The following IQCH variants were observed in gnomAD, a reference collection of about 807,000 sequenced individuals.
IQCH encodes IQ motif containing H.
In IQCH, 98 loss-of-function variants were observed where a neutral mutation model predicts 117.0. The ratio of observed to expected loss-of-function variants is 0.84; its 90% CI spans 0.71 to 0.99. The LOEUF (loss-of-function observed/expected upper bound fraction) is 0.99. Ranked by LOEUF, IQCH falls within the 50% of genes least tolerant of loss-of-function variation. The pLI is 0.00. For missense variants in IQCH, 1,102 were observed against 1,243.8 expected (o/e 0.89, Z 1.72); for synonymous variants, 412 against 448.2 (o/e 0.92, Z 1.02).
intron 4 of IQCH, among the ~76,000 whole-genome samples, chr15:67,332,678 A>T: frequency 6.6e-6 from 1 of 152,216 alleles, no homozygotes; most frequent in East Asian, 1.9e-4. Flanking sequence ...AAATTAAGAT[A>T]CAATCAAGAT....
rs1971766440 is a variant in IQCH, at chr15:67,403,751, C to T, written c.2097+3446C>T. Reference sequence around the variant, plus strand: ...GACAGTTTAGGGAGACCCAGGCAGACATTTACTGTGGTACCAGTCCTTGTG... The same window carrying T: ...GACAGTTTAGGGAGACCCAGGCAGATATTTACTGTGGTACCAGTCCTTGTG... On this transcript the variant is annotated intron_variant, in intron 14 of 20. Coordinates refer to ENST00000335894, the MANE Select transcript of IQCH (RefSeq NM_001031715.3). The surrounding 1 kb of genome is among the most constrained non-coding windows in gnomAD (Gnocchi z 4.8). 3 of 152,230 alleles carry T rather than the reference C, an allele frequency of 2.0e-5. No homozygotes were observed. Among genetic ancestry groups the T allele is most frequent in the African/African-American group, 7.2e-5 (3 of 41,462 alleles). The allele number at this position is 152,230 out of a possible 1,614,324, so 9.4% of individuals were successfully genotyped here.
intron 12 of IQCH, among the ~76,000 whole-genome samples, chr15:67,389,219 T>C (rs1034099195): frequency 1.3e-5 from 2 of 152,224 alleles, no homozygotes; most frequent in African/African-American, 4.8e-5. Context: ...TTCTCTGTAG[T>C]TGTAGCCTAA....
chr15:67,487,058 C>T, intron 18 of IQCH, among the ~76,000 whole-genome samples: 1 of 152,188 alleles, frequency 6.6e-6, no homozygotes, highest in Non-Finnish European at 1.5e-5. Flanking sequence ...GATGGCCAGG[C>T]ACAGTGGCTC....
In IQCH at chr15:67,431,530, T is replaced by C. The variant is rs947106581; in HGVS notation, c.2505+9953T>C. 6.6e-6 allele frequency among the ~76,000 whole-genome samples: 1 copy of C among 152,080 alleles called. No homozygotes were observed. The highest frequency in any genetic ancestry group is 6.5e-5 in the Admixed American group (1 of 15,270). The stretch of plus-strand genomic sequence containing the variant: ...GGAGAGAATCAGGAAAAATAACTCC[T>C]GGGTACTAGGCTTAATACCTGGGTG... On this transcript the variant is annotated intron_variant, in intron 16 of 20. Coordinates refer to ENST00000335894, the MANE Select transcript of IQCH (RefSeq NM_001031715.3). The surrounding 1 kb of genome is among the most constrained non-coding windows in gnomAD (Gnocchi z 4.8).
At chr15:67,299,268 TG>T (rs1966904454) in intron 4 of IQCH, among the ~76,000 whole-genome samples, 1 of 151,444 alleles carries the variant, frequency 6.6e-6, no homozygotes, top group Non-Finnish European at 1.5e-5. Flanking sequence ...TACCAGAGGC[TG>T]GGAAGGGTAG....
Position 67,403,619 on chromosome 15 carries a change from C to T in IQCH, c.2097+3314C>T, listed in dbSNP as rs941369818. 1 of 152,174 alleles carries T rather than the reference C, an allele frequency of 6.6e-6. No homozygotes were observed. The highest frequency in any genetic ancestry group is 2.4e-5 in the African/African-American group (1 of 41,428). 9.4% of individuals were successfully genotyped at this position (152,174 alleles called of 1,614,324 possible). A position where few individuals can be genotyped will look rare whatever the true frequency, so the allele number is the denominator to read the frequency against. ...CACACTCTTGCACACACTCCAAACT[C>T]CACGTTCCCCAGTCGGGGGTATTTA... On this transcript the variant is annotated intron_variant, in intron 14 of 20. Transcript: ENST00000335894. The surrounding 1 kb of genome is among the most constrained non-coding windows in gnomAD (Gnocchi z 4.8).
At chr15:67,307,251 G>A (rs1329283764) in intron 4 of IQCH, 1 of 703,224 alleles carries the variant, frequency 1.4e-6, no homozygotes, top group African/African-American at 1.9e-5. Context: ...TATTCATGAG[G>A]TTGAATTTAA....
At chr15:67,396,217 T>C (rs1391058554) in intron 13 of IQCH, among the ~76,000 whole-genome samples, 4 of 152,132 alleles carry the variant, frequency 2.6e-5, no homozygotes. Context: ...AGCAGTGGGT[T>C]TGGAAAACTC....
intron 4 of IQCH, among the ~76,000 whole-genome samples, chr15:67,297,366 AC>A (rs1356534041): frequency 6.6e-6 from 1 of 152,170 alleles, no homozygotes; most frequent in Admixed American, 6.6e-5. Context: ...TATTCCCTCT[AC>A]TATTTTTGGC....
chr15:67,351,275 G>A (rs1020524374), intron 6 of IQCH, among the ~76,000 whole-genome samples: 1 of 150,860 alleles, frequency 6.6e-6, no homozygotes, highest in Non-Finnish European at 1.5e-5. Flanking sequence ...GGTGTGTAAT[G>A]TTCCCCTCCC....
chr15:67,399,100 TCTCC>T (rs906632725), intron 13 of IQCH, among the ~76,000 whole-genome samples: 1 of 152,124 alleles, frequency 6.6e-6, no homozygotes, highest in Non-Finnish European at 1.5e-5. Flanking sequence ...ACTTCACCCT[TCTCC>T]ACCTCTCTGT....
chr15:67,409,338 C>T (rs1301192474), intron 14 of IQCH, among the ~76,000 whole-genome samples: 3 of 152,076 alleles, frequency 2.0e-5, no homozygotes, highest in African/African-American at 7.2e-5. Flanking sequence ...CAGGGTGAGC[C>T]TAGAAAGAAA....
At chr15:67,291,781 G>T (rs899904451) in intron 4 of IQCH, among the ~76,000 whole-genome samples, 1 of 152,200 alleles carries the variant, frequency 6.6e-6, no homozygotes, top group Non-Finnish European at 1.5e-5. Flanking sequence ...TTGGAGAGAA[G>T]AGAATGCCTA....
intron 14 of IQCH, among the ~76,000 whole-genome samples, chr15:67,412,669 G>A (rs1359994901): frequency 6.6e-6 from 1 of 152,140 alleles, no homozygotes; most frequent in African/African-American, 2.4e-5. Flanking sequence ...AAAGTGTTGG[G>A]ATTACAGGCA....
In IQCH at chr15:67,403,854, A is replaced by C. The variant is rs1172931930; in HGVS notation, c.2097+3549A>C. ...ACATTGGCTTAGTGGCAGTGATGCTACTGGTGACACTGCTTTGCAAGAGAT... is the reference window on the plus strand; with the variant it reads ...ACATTGGCTTAGTGGCAGTGATGCTCCTGGTGACACTGCTTTGCAAGAGAT... On this transcript the variant is annotated intron_variant, in intron 14 of 20. Coordinates refer to ENST00000335894, the MANE Select transcript of IQCH (RefSeq NM_001031715.3). This position sits in a 1 kb window ranked among gnomAD's most constrained non-coding sequence, Gnocchi z 4.8. 1 of 152,124 alleles carries C rather than the reference A, an allele frequency of 6.6e-6. No individual in the cohort carries two copies. The highest frequency in any genetic ancestry group is 1.5e-5 in the Non-Finnish European group (1 of 68,038). The allele number at this position is 152,124 out of a possible 1,614,324, so 9.4% of individuals were successfully genotyped here.
chr15:67,344,329 A>G (rs1969295382), intron 6 of IQCH, 138 bp downstream of exon 6: 1 of 608,746 alleles, frequency 1.6e-6, no homozygotes, highest in Non-Finnish European at 2.8e-6. Flanking sequence ...GTTTCACTAC[A>G]TTCCCACAGT....
intron 1 of IQCH, among the ~76,000 whole-genome samples, chr15:67,257,811 G>C (rs1258064655): frequency 1.3e-5 from 2 of 152,354 alleles, no homozygotes; most frequent in East Asian, 3.9e-4. Flanking sequence ...ACAATTGTGT[G>C]TTAACACAAA....
At chr15:67,488,416 GA>G (rs1158882565) in intron 18 of IQCH, among the ~76,000 whole-genome samples, 10 of 152,306 alleles carry the variant, frequency 6.6e-5, no homozygotes, top group Non-Finnish European at 1.2e-4. Context: ...CAGGAATATT[GA>G]AATTTGCACA....
chr15:67,337,253 T>TTTAATTA (rs1186518655), intron 5 of IQCH, among the ~76,000 whole-genome samples, 158 bp downstream of exon 5: 1 of 152,164 alleles, frequency 6.6e-6, no homozygotes, highest in Non-Finnish European at 1.5e-5. Flanking sequence ...TTTCCTGCTC[T>TTTAATTA]GTAAATTAAA....
Sources: gnomAD v4.1 joint callset for allele counts (sites outside exome capture counted in the v4.1 genomes callset) on GRCh38, gnomAD v4.1.1 for gene constraint, Gnocchi (gnomAD v3.1) non-coding constraint, MANE v1.5 for transcripts, NCBI Gene and HGNC (gene_info 2026-07-23, HGNC 2026-07-21) for gene names.